CGN: variants seen among roughly 807,000 people sequenced by gnomAD.
CGN encodes cingulin.
In CGN, 121 loss-of-function variants were observed where a neutral mutation model predicts 157.1. That is an observed-to-expected ratio of 0.77 (90% CI 0.66 to 0.90). The LOEUF is 0.90. Among genes scored for constraint, CGN ranks in the 40% least tolerant of loss-of-function variants. The pLI is 0.00. For synonymous variants in CGN, 535 were observed against 607.5 expected, an observed-to-expected ratio of 0.88 and a Z score of 1.76; for missense variants, 1,424 against 1,520.9, an observed-to-expected ratio of 0.94 and a Z score of 1.06.
Position 151,518,820 on chromosome 1 carries a change from C to T in CGN, c.301C>T (p.Pro101Ser), listed in dbSNP as rs530916904. 13 of 1,613,976 alleles carry T rather than the reference C, an allele frequency of 8.1e-6. No homozygotes were observed. In the Admixed American group the frequency reaches 2.2e-4, roughly 27 times the overall value. Residue 101 changes from proline to serine, a missense_variant, in exon 2 of 21, where the codon CCT (proline) becomes TCT (serine). Pro to Ser is a moderately conservative substitution (Grantham distance 74). Coordinates refer to ENST00000271636, the MANE Select transcript of CGN (RefSeq NM_020770.3). ...AGCTCTGAGCTCAGATTTGGAACTC[C>T]CTGAGAACCCCTACTCTCAGGTCAA... ...SGALSSDLEL[P>S]ENPYSQVKGF...
chr1:151,526,433 C>G (rs1165363441), intron 9 of CGN, among the ~76,000 whole-genome samples: 3 of 151,748 alleles, frequency 2.0e-5, no homozygotes, highest in East Asian at 3.9e-4. Flanking sequence ...CCTCGGCCCC[C>G]CAAAACGCTG....
Position 151,534,051 on chromosome 1 carries a change from C to G in CGN, c.2819C>G (p.Ala940Gly). ...GCCCGGCTGGACAAAGAGCTACTGGCCCAGCGACTGCAGGGGCTGGAGCAA... is the reference window on the plus strand; with the variant it reads ...GCCCGGCTGGACAAAGAGCTACTGGGCCAGCGACTGCAGGGGCTGGAGCAA... ...DTARLDKELL[A>G]QRLQGLEQEA... The change falls in exon 15 of 21, where the codon GCC (alanine) becomes GGC (glycine). Residue 940 changes from alanine (A) to glycine (G), a missense_variant. Coordinates refer to ENST00000271636, the MANE Select transcript of CGN (RefSeq NM_020770.3). The G allele has an allele frequency of 6.2e-7, 1 of 1,613,730 alleles. No individual in the cohort carries two copies. Among genetic ancestry groups the G allele is most frequent in the Non-Finnish European group, 8.5e-7 (1 of 1,179,902 alleles).
chr1:151,524,447 G>A lies in CGN; in HGVS notation c.1401+89G>A. On this transcript the variant is annotated intron_variant, in intron 7 of 20. Coordinates refer to ENST00000271636, the MANE Select transcript of CGN (RefSeq NM_020770.3). This position sits in a 1 kb window ranked among gnomAD's most constrained non-coding sequence, Gnocchi z 4.4. ...CTCATCCATGGTTTCCCCAAAGTAT[G>A]AGGAGTGGGTGGCTGATTACAGGTA... 1.3e-6 allele frequency: 2 copies of A among 1,575,718 alleles called. No homozygotes were observed. The highest frequency in any genetic ancestry group is 2.3e-5 in the South Asian group (2 of 86,826).
chr1:151,532,712 G>A (rs981113290), intron 14 of CGN, 140 bp downstream of exon 14: 6 of 596,140 alleles, frequency 1.0e-5, no homozygotes, highest in African/African-American at 2.0e-5. Context: ...CTCTGCCTCC[G>A]GGGTTCACAC....
chr1:151,520,115 C>T (rs1372909393), intron 2 of CGN, 51 bp from the exon 3 acceptor site: 3 of 1,441,708 alleles, frequency 2.1e-6, no homozygotes, highest in Non-Finnish European at 1.9e-6. Flanking sequence ...GCCTAATCTT[C>T]CTATTTCTTT....
chr1:151,534,808 T>C, intron 15 of CGN: 1 of 500,142 alleles, frequency 2.0e-6, no homozygotes, highest in Non-Finnish European at 3.6e-6. Context: ...GGGGTTTGCC[T>C]TTCTGTCAAA....
chr1:151,536,564 T>G (rs992466342), intron 19 of CGN, among the ~76,000 whole-genome samples, 166 bp from the exon 20 acceptor site: 5 of 152,212 alleles, frequency 3.3e-5, no homozygotes, highest in African/African-American at 1.2e-4. Flanking sequence ...GTATTACACA[T>G]GTGTTAATAC....
intron 10 of CGN, 96 bp from the exon 11 acceptor site, chr1:151,529,254 T>C: frequency 9.5e-7 from 1 of 1,049,126 alleles, no homozygotes; most frequent in Non-Finnish European, 1.4e-6. Flanking sequence ...CATCAGTTTT[T>C]ATTCCCTTGG....
At chr1:151,523,283 G>A (rs760964258) in intron 5 of CGN, 151 bp from the exon 6 acceptor site, 22 of 553,426 alleles carry the variant, frequency 4.0e-5, no homozygotes, top group Non-Finnish European at 5.9e-5. Flanking sequence ...CTAGTTATGA[G>A]GATTAGATGT....
At position 151,524,761 on chromosome 1, in the gene CGN, T is replaced by C. The variant is rs1206617011; in HGVS notation, c.1489T>C (p.Leu497=). 6.2e-7 allele frequency: 1 copy of C among 1,611,040 alleles called. No homozygotes were observed. The highest frequency in any genetic ancestry group is 1.7e-5 in the Admixed American group (1 of 59,360). Residue 497 remains leucine (L), a synonymous_variant, in exon 8 of 21, where the codon TTG becomes CTG. Coordinates refer to ENST00000271636, the MANE Select transcript of CGN (RefSeq NM_020770.3). The surrounding 1 kb of genome is among the most constrained non-coding windows in gnomAD (Gnocchi z 4.4). The part of the protein sequence containing the change: ...EEQLRLRERE[L]TALKGALKEE... Reference sequence around the variant, plus strand: ...GCAGCTGAGGCTGCGGGAGCGGGAGTTGACAGCCCTGAAGGGGGCCCTGAA... The same window carrying C: ...GCAGCTGAGGCTGCGGGAGCGGGAGCTGACAGCCCTGAAGGGGGCCCTGAA...
Position 151,529,416 on chromosome 1 carries a change from G to C in CGN, c.1963G>C (p.Gly655Arg). Reference protein sequence around the residue: ...QAERQSQEVAGRHRDRELEKQ... With the variant: ...QAERQSQEVARRHRDRELEKQ... ...AGAACGGCAGAGCCAGGAGGTGGCT[G>C]GGCGACACCGGGACCGGGAGTTGGA... Residue 655 changes from glycine to arginine, a missense_variant, in exon 11 of 21, where the codon GGG becomes CGG. Physicochemically the swap from Gly to Arg is moderately radical, Grantham distance 125. Coordinates refer to ENST00000271636, the MANE Select transcript of CGN (RefSeq NM_020770.3). 1 of 1,613,812 alleles carries C rather than the reference G, an allele frequency of 6.2e-7. No homozygotes were observed. Among genetic ancestry groups the C allele is most frequent in the African/African-American group, 1.3e-5 (1 of 74,958 alleles).
intron 18 of CGN, 64 bp from the exon 19 acceptor site, chr1:151,536,173 G>T: frequency 1.9e-6 from 2 of 1,052,116 alleles, no homozygotes; most frequent in African/African-American, 1.6e-5. Flanking sequence ...GGGACAGTAG[G>T]GGGCCAAGTT....
At position 151,532,471 on chromosome 1, in the gene CGN, GA is replaced by G. The variant is rs34271726; in HGVS notation, c.2645del (p.Lys882ArgfsTer27). 1.9e-6 allele frequency: 3 copies of G among 1,609,172 alleles called. No homozygotes were observed. The highest frequency in any genetic ancestry group is 1.7e-5 in the Admixed American group (1 of 58,676). ...QLQAQLEDYK[E>X]KARREVADAQ... ...CCAGGCCCAGCTGGAGGATTATAAG[GA>G]AAAGGCCCGGCGGGAGGTGGCAGAT... is the stretch of plus-strand genomic sequence containing the variant. On this transcript the variant is annotated frameshift_variant, in exon 14 of 21. Coordinates refer to ENST00000271636, the MANE Select transcript of CGN (RefSeq NM_020770.3). LOFTEE classifies it high-confidence loss of function.
Position 151,537,384 on chromosome 1 carries a change from C to A in CGN, c.*38C>A. 6.3e-7 allele frequency: 1 copy of A among 1,594,616 alleles called. No individual in the cohort carries two copies. On this transcript the variant is annotated 3_prime_UTR_variant, in exon 21 of 21. Coordinates refer to ENST00000271636, the MANE Select transcript of CGN (RefSeq NM_020770.3). ...AAGGACTCAGAAACCAGGCTCGAGG[C>A]CTATCCCAGCAAGTGCTGCTCTGCT...
chr1:151,529,051 G>A (rs1490931321), intron 10 of CGN, among the ~76,000 whole-genome samples: 3 of 152,218 alleles, frequency 2.0e-5, no homozygotes, highest in East Asian at 3.9e-4. Context: ...TCATCAATTC[G>A]TGGACATCTG....
chr1:151,535,415 G>A (rs1156497618), intron 16 of CGN, among the ~76,000 whole-genome samples, 185 bp from the exon 17 acceptor site: 1 of 152,170 alleles, frequency 6.6e-6, no homozygotes, highest in African/African-American at 2.4e-5. Context: ...CTGGAGGGAC[G>A]AAGGAGGCTC....
Position 151,530,070 on chromosome 1 carries a change from G to A in CGN, c.2268G>A (p.Gly756=), listed in dbSNP as rs141296209. The A allele has an allele frequency of 1.5e-5, 25 of 1,613,932 alleles. No homozygotes were observed. Among genetic ancestry groups the A allele is most frequent in the African/African-American group, 8.0e-5 (6 of 74,900 alleles). The stretch of plus-strand genomic sequence containing the variant: ...AGACTCGAGGTCTGGTGGATGGTGG[G>A]GAAGCGGTGGAGGCACGACTACGGG... The part of the protein sequence containing the change: ...LKETRGLVDG[G]EAVEARLRDK... Residue 756 remains glycine (G), a synonymous_variant, in exon 12 of 21, where the codon GGG becomes GGA. Transcript: ENST00000271636.
chr1:151,524,566 G>C lies in CGN; in HGVS notation c.1402-108G>C. ...TCTGGGCTCCAGTACTGGTACTAGAGCACCTGGTACTGTGCCTAATACGAT... is the reference window on the plus strand; with the variant it reads ...TCTGGGCTCCAGTACTGGTACTAGACCACCTGGTACTGTGCCTAATACGAT... On this transcript the variant is annotated intron_variant, in intron 7 of 20. Coordinates refer to ENST00000271636, the MANE Select transcript of CGN (RefSeq NM_020770.3). The surrounding 1 kb of genome is among the most constrained non-coding windows in gnomAD (Gnocchi z 4.4). 8.5e-7 allele frequency: 1 copy of C among 1,172,570 alleles called. No homozygotes were observed. Among genetic ancestry groups the C allele is most frequent in the Non-Finnish European group, 1.2e-6 (1 of 822,772 alleles). The allele number at this position is 1,172,570 out of a possible 1,614,324, so 72.6% of individuals were successfully genotyped here.
intron 15 of CGN, chr1:151,534,660 A>G (rs1664915360): frequency 7.8e-6 from 2 of 257,030 alleles, no homozygotes; most frequent in South Asian, 9.8e-5. Context: ...TCCCATGTAC[A>G]TACTCTTAGC....
Sources: gnomAD v4.1 joint callset for allele counts (sites outside exome capture counted in the v4.1 genomes callset) on GRCh38, gnomAD v4.1.1 for gene constraint, Gnocchi (gnomAD v3.1) non-coding constraint, MANE v1.5 for transcripts, NCBI Gene and HGNC (gene_info 2026-07-23, HGNC 2026-07-21) for gene names.